The following BABAM2 variants were observed in gnomAD, a reference collection of about 807,000 sequenced individuals.
BABAM2 encodes BRISC and BRCA1 A complex member 2.
Under a neutral mutation model 54.7 loss-of-function variants are expected in BABAM2, and 31 were observed. The ratio of observed to expected loss-of-function variants is 0.57; its 90% CI spans 0.43 to 0.77. The LOEUF (loss-of-function observed/expected upper bound fraction) is 0.77. Among genes scored for constraint, BABAM2 ranks in the 30% least tolerant of loss-of-function variants. BABAM2 has a pLI of 0.00. For missense variants in BABAM2, 364 were observed against 455.8 expected (o/e 0.80, Z 1.83); for synonymous variants, 167 against 162.9 (o/e 1.03, Z -0.19).
intron 7 of BABAM2, among the ~76,000 whole-genome samples, chr2:28,180,081 A>T (rs2147879006): frequency 6.6e-6 from 1 of 152,244 alleles, no homozygotes; most frequent in Non-Finnish European, 1.5e-5. Flanking sequence ...GTATCAAAAT[A>T]CCAATGTCAT....
chr2:28,255,854 C>CA (rs1361577086), intron 10 of BABAM2, among the ~76,000 whole-genome samples: 3 of 151,918 alleles, frequency 2.0e-5, no homozygotes, highest in East Asian at 1.9e-4. Flanking sequence ...TTTGTGGAGA[C>CA]AGAGTTTCAC....
intron 2 of BABAM2, among the ~76,000 whole-genome samples, chr2:27,921,009 A>C (rs956817238): frequency 1.3e-5 from 2 of 152,238 alleles, no homozygotes; most frequent in African/African-American, 4.8e-5. Flanking sequence ...AAAGTATAGT[A>C]AAATTTGCCT....
At chr2:27,901,364 G>T (rs1201518786) in intron 2 of BABAM2, among the ~76,000 whole-genome samples, 3 of 152,194 alleles carry the variant, frequency 2.0e-5, no homozygotes, top group African/African-American at 7.2e-5. Context: ...GCAACCTGTG[G>T]CAGCTGAGCC....
rs549957944 is a variant in BABAM2, at chr2:28,180,847, G to A, written c.680+51467G>A. 1.1e-4 allele frequency among the ~76,000 whole-genome samples: 16 copies of A among 152,098 alleles called. No homozygotes were observed. In the South Asian group the frequency reaches 3.1e-3, roughly 30 times the overall value. On this transcript the variant is annotated intron_variant, in intron 7 of 11. Transcript: ENST00000379624. ...AAGAAGATACGCAAATTGTCAACAG[G>A]TATACAAAAAATGCTCAATGTTACT...
chr2:28,043,261 G>A (rs530359448), intron 5 of BABAM2, among the ~76,000 whole-genome samples: 2 of 151,752 alleles, frequency 1.3e-5, no homozygotes, highest in East Asian at 4.0e-4. Context: ...CGCCCCAGTA[G>A]CTGGGATTAC....
chr2:27,915,103 CTCTGATTAAG>C lies in BABAM2; in HGVS notation c.129-14725_129-14716del, dbSNP rs1263544988. Among the ~76,000 whole-genome samples the C allele has an allele frequency of 3.9e-5, 6 of 152,162 alleles. No homozygotes were observed. The South Asian group carries it at 1.0e-3, about 26-fold the overall frequency. On this transcript the variant is annotated intron_variant, in intron 2 of 11. Transcript: ENST00000379624. ...AGGACACTGGAAAATTATTTTACTG[CTCTGATTAAG>C]TCTTTTCATGGTTGGACCCCCATGA...
intron 11 of BABAM2, among the ~76,000 whole-genome samples, chr2:28,302,696 C>T (rs1375210813): frequency 6.6e-6 from 1 of 152,162 alleles, no homozygotes; most frequent in East Asian, 1.9e-4. Context: ...ACCCTCCCAT[C>T]AGCAATATGC....
chr2:27,941,809 AT>A (rs1668910650), intron 3 of BABAM2, among the ~76,000 whole-genome samples: 1 of 152,204 alleles, frequency 6.6e-6, no homozygotes, highest in Non-Finnish European at 1.5e-5. Flanking sequence ...ATATCACTAA[AT>A]TTAAATATAT....
At chr2:28,248,207 C>T (rs76681976) in intron 10 of BABAM2, among the ~76,000 whole-genome samples, 157 of 54,180 alleles carry the variant, frequency 2.9e-3, no homozygotes, top group Middle Eastern at 0.013. Context: ...TTTTCTTTTT[C>T]TTTTTTTTTT....
chr2:28,069,660 C>T lies in BABAM2; in HGVS notation c.570+23861C>T, dbSNP rs114371299. On this transcript the variant is annotated intron_variant, in intron 6 of 11. Coordinates refer to ENST00000379624, the MANE Select transcript of BABAM2 (RefSeq NM_199191.3). Reference sequence around the variant, plus strand: ...TGCAAGCAGTGGATAAATGCAGACACACAATAATGTCAGTATTCCATTTCT... The same window carrying T: ...TGCAAGCAGTGGATAAATGCAGACATACAATAATGTCAGTATTCCATTTCT... Among the ~76,000 whole-genome samples the T allele has an allele frequency of 4.2e-3, 644 of 152,218 alleles. 7 individuals carry two copies. In the South Asian group the frequency reaches 0.045, roughly 11 times the overall value.
At chr2:27,935,062 G>A (rs1002228563) in intron 3 of BABAM2, among the ~76,000 whole-genome samples, 4 of 152,074 alleles carry the variant, frequency 2.6e-5, no homozygotes, top group African/African-American at 9.7e-5. Flanking sequence ...TATGTTGGAA[G>A]AAGATGCCGT....
intron 7 of BABAM2, among the ~76,000 whole-genome samples, chr2:28,191,247 G>T (rs1431475053): frequency 6.6e-6 from 1 of 152,142 alleles, no homozygotes; most frequent in Non-Finnish European, 1.5e-5. Context: ...TTAAAAGTTT[G>T]ACCAAAACAA....
At position 28,298,442 on chromosome 2, in the gene BABAM2, T is replaced by G; in HGVS notation, c.1039T>G (p.Tyr347Asp). ...GQLYSQAQKN[Y>D]PYSPRWDGNE... ...GCTTTACTCCCAGGCCCAAAAAAAT[T>G]ATCCGTACAGCCCCAGATGGGATGG... Residue 347 changes from tyrosine to aspartate, a missense_variant, in exon 11 of 12, where the codon TAT becomes GAT. By Grantham distance (160) the Tyr-to-Asp change is radical. Coordinates refer to ENST00000379624, the MANE Select transcript of BABAM2 (RefSeq NM_199191.3). 6.2e-7 allele frequency: 1 copy of G among 1,614,154 alleles called. No homozygotes were observed.
intron 6 of BABAM2, among the ~76,000 whole-genome samples, chr2:28,098,312 A>G (rs1180590486): frequency 6.6e-6 from 1 of 152,168 alleles, no homozygotes; most frequent in African/African-American, 2.4e-5. Flanking sequence ...AGAATTATAA[A>G]TGGGGTCTTT....
intron 5 of BABAM2, among the ~76,000 whole-genome samples, chr2:28,027,349 T>A (rs1368035686): frequency 6.6e-6 from 1 of 152,200 alleles, no homozygotes; most frequent in Non-Finnish European, 1.5e-5. Context: ...TTACCTGTTT[T>A]AAGTGTACAG....
At position 27,899,611 on chromosome 2, in the gene BABAM2, G is replaced by A. The variant is rs149871143; in HGVS notation, c.128+4927G>A. ...CCTCAGCCTCCTGAGTAGCTACAGC[G>A]TCCGCCACCATGCCTGGCTAATTTT... On this transcript the variant is annotated intron_variant, in intron 2 of 11. Transcript: ENST00000379624. Among the ~76,000 whole-genome samples, 969 of 151,830 alleles carry A rather than the reference G, an allele frequency of 6.4e-3. 7 individuals are homozygous for A. The highest frequency in any genetic ancestry group is 7.9e-3 in the Non-Finnish European group (538 of 67,880).
intron 2 of BABAM2, among the ~76,000 whole-genome samples, chr2:27,903,715 A>C (rs370683208): frequency 6.6e-6 from 1 of 152,164 alleles, no homozygotes; most frequent in Non-Finnish European, 1.5e-5. Context: ...TTCTGTTTCA[A>C]CTGAGCACGT....
rs776828463 is a variant in BABAM2, at chr2:27,929,904, A to G, written c.201A>G (p.Leu67=). ...KLHIPYAGET[L]KWDIIFNAQY... Reference sequence around the variant, plus strand: ...ACATACCATATGCTGGAGAGACATTAAAGTGTAAGTAAATGATGACTATTT... The same window carrying G: ...ACATACCATATGCTGGAGAGACATTGAAGTGTAAGTAAATGATGACTATTT... Residue 67 remains leucine (L), a synonymous_variant, in exon 3 of 12, where the codon TTA becomes TTG. Coordinates refer to ENST00000379624, the MANE Select transcript of BABAM2 (RefSeq NM_199191.3). 67 of 1,610,014 alleles carry G rather than the reference A, an allele frequency of 4.2e-5. No homozygotes were observed. The highest frequency in any genetic ancestry group is 5.7e-5 in the Non-Finnish European group (67 of 1,176,374).
rs1259486065 is a variant in BABAM2, at chr2:28,026,985, TATAA to T, written c.495+1567_495+1570del. 2.9e-4 allele frequency among the ~76,000 whole-genome samples: 33 copies of T among 114,996 alleles called. 1 individual carries two copies. The highest frequency in any genetic ancestry group is 4.8e-4 in the Non-Finnish European group (29 of 60,072). The allele number at this position is 114,996 out of a possible 152,430, so 75.4% of individuals were successfully genotyped here. A position where few individuals can be genotyped will look rare whatever the true frequency, so the allele number is the denominator to read the frequency against. On this transcript the variant is annotated intron_variant, in intron 5 of 11. Coordinates refer to ENST00000379624, the MANE Select transcript of BABAM2 (RefSeq NM_199191.3). ...ATATATATATAAATATATAAATATA[TATAA>T]AAATATATAAATATATATATAAAAG...
Sources: allele counts gnomAD v4.1 joint callset (sites outside exome capture counted in the v4.1 genomes callset), GRCh38; gene constraint gnomAD v4.1.1; transcripts MANE v1.5; gene names NCBI Gene and HGNC (gene_info 2026-07-23, HGNC 2026-07-21).